The following PPFIBP2 variants were observed in gnomAD, a reference collection of about 807,000 sequenced individuals.
PPFIBP2 encodes liprin-beta-2.
In PPFIBP2, 118 loss-of-function variants were observed where a neutral mutation model predicts 118.3. The ratio of observed to expected loss-of-function variants is 1.00; its 90% confidence interval spans 0.86 to 1.16. The LOEUF is 1.16. Among genes scored for constraint, PPFIBP2 ranks in the 50% most tolerant of loss-of-function variants. PPFIBP2 has a pLI of 0.00. For missense variants in PPFIBP2, 1,195 were observed against 1,073.1 expected, an observed-to-expected ratio of 1.11 and a Z score of -1.59; for synonymous variants, 414 against 397.4, an observed-to-expected ratio of 1.04 and a Z score of -0.50.
chr11:7,664,517 C>G, the PPFIBP2 span, among the ~76,000 whole-genome samples: 2 of 152,322 alleles, frequency 1.3e-5, no homozygotes, highest in East Asian at 3.9e-4. Context: ...AGATGCACCC[C>G]TTCTGTAGCT....
intron 1 of PPFIBP2, among the ~76,000 whole-genome samples, chr11:7,535,057 A>G (rs535713609): frequency 2.0e-5 from 3 of 152,202 alleles, no homozygotes; most frequent in African/African-American, 2.4e-5. Context: ...TGAGCTGCAC[A>G]TGCTCAGTTC....
intron 8 of PPFIBP2, among the ~76,000 whole-genome samples, 200 bp downstream of exon 8, chr11:7,626,091 G>C (rs1030107656): frequency 2.0e-5 from 3 of 152,214 alleles, no homozygotes; most frequent in African/African-American, 7.2e-5. Flanking sequence ...CTATAATGCA[G>C]CGCTCTTGTG....
chr11:7,599,629 CT>C lies in PPFIBP2; in HGVS notation c.486+1975del, dbSNP rs372421700. 8.2e-3 allele frequency among the ~76,000 whole-genome samples: 1,093 copies of C among 133,992 alleles called. 11 individuals carry two copies. The highest frequency in any genetic ancestry group is 0.026 in the African/African-American group (902 of 35,306). The allele number at this position is 133,992 out of a possible 152,430, so 87.9% of individuals were successfully genotyped here. A position where few individuals can be genotyped will look rare whatever the true frequency, so the allele number is the denominator to read the frequency against. On this transcript the variant is annotated intron_variant, in intron 5 of 23. Coordinates refer to ENST00000299492, the MANE Select transcript of PPFIBP2 (RefSeq NM_003621.5). The stretch of plus-strand genomic sequence containing the variant: ...TTTTTTAAAGTCATAAACTCAATTA[CT>C]TTTTTTTTTTTTTTTTTTGAGACGG...
rs1339341429 is a variant in PPFIBP2, at chr11:7,650,837, C to T, written c.2122-3C>T. 1 of 1,613,564 alleles carries T rather than the reference C, an allele frequency of 6.2e-7. No individual in the cohort carries two copies. Among genetic ancestry groups the T allele is most frequent in the Non-Finnish European group, 8.5e-7 (1 of 1,179,578 alleles). On this transcript the variant is annotated splice_polypyrimidine_tract_variant and splice_region_variant and intron_variant, in intron 21 of 23. Coordinates refer to ENST00000299492, the MANE Select transcript of PPFIBP2 (RefSeq NM_003621.5). Reference sequence around the variant, plus strand: ...TTCCTCACTCTCCTTCTCCCTCTGACAGAGTAACCTTTCTCCTTCAGAAGT... The same window carrying T: ...TTCCTCACTCTCCTTCTCCCTCTGATAGAGTAACCTTTCTCCTTCAGAAGT...
chr11:7,582,404 T>G (rs1327046738), intron 3 of PPFIBP2, among the ~76,000 whole-genome samples: 1 of 152,140 alleles, frequency 6.6e-6, no homozygotes, highest in East Asian at 1.9e-4. Flanking sequence ...CTGGTATAAT[T>G]TAGAAGCTAG....
At chr11:7,620,836 GTGGTTGC>G in intron 6 of PPFIBP2, 92 bp from the exon 7 acceptor site, 1 of 799,644 alleles carries the variant, frequency 1.3e-6, no homozygotes, top group South Asian at 1.5e-5. Flanking sequence ...GGAGCTTGAT[GTGGTTGC>G]TGCACCCCAT....
At position 7,628,315 on chromosome 11, in the gene PPFIBP2, T is replaced by A; in HGVS notation, c.857T>A (p.Met286Lys). ...DQEIQRLKMG[M>K]ETLLLANEDK... ...GAAATTCAACGTCTGAAAATGGGGA[T>A]GGAAACTTTGCTGCTTGCCAATGAA... is the stretch of plus-strand genomic sequence containing the variant. The change falls in exon 9 of 24, where the codon ATG becomes AAG. Residue 286 changes from methionine (M) to lysine (K), a missense_variant. Met to Lys is a moderately conservative substitution (Grantham distance 95). Transcript: ENST00000299492. 6.2e-7 allele frequency: 1 copy of A among 1,613,976 alleles called. No homozygotes were observed. Among genetic ancestry groups the A allele is most frequent in the Non-Finnish European group, 8.5e-7 (1 of 1,179,904 alleles).
Position 7,606,193 on chromosome 11 carries a change from CTA to C in PPFIBP2, c.487-4095_487-4094del, listed in dbSNP as rs561217542. Reference sequence around the variant, plus strand: ...GCCCTGGAATAGGGAGCACAGTGTTCTATAAGTTGGGTTGGTGGAAGCTGAGT... The same window carrying C: ...GCCCTGGAATAGGGAGCACAGTGTTCTAAGTTGGGTTGGTGGAAGCTGAGT... On this transcript the variant is annotated intron_variant, in intron 5 of 23. Transcript: ENST00000299492. Among the ~76,000 whole-genome samples the C allele has an allele frequency of 7.8e-4, 118 of 152,190 alleles. 1 individual carries two copies. The highest frequency in any genetic ancestry group is 2.8e-3 in the African/African-American group (115 of 41,484).
Position 7,628,163 on chromosome 11 carries a change from A to G in PPFIBP2, c.827-122A>G. 3.9e-6 allele frequency: 3 copies of G among 759,704 alleles called. No homozygotes were observed. In the South Asian group the frequency reaches 5.9e-5, roughly 15 times the overall value. The allele number at this position is 759,704 out of a possible 1,614,324, so 47.1% of individuals were successfully genotyped here. A position where few individuals can be genotyped will look rare whatever the true frequency, so the allele number is the denominator to read the frequency against. On this transcript the variant is annotated intron_variant, in intron 8 of 23. Transcript: ENST00000299492. ...AGCAGACACCATCCCGGCCTCTTTAAAGAACTAAAGGAGCCATGTTCACAT... is the reference window on the plus strand; with the variant it reads ...AGCAGACACCATCCCGGCCTCTTTAGAGAACTAAAGGAGCCATGTTCACAT...
At chr11:7,565,431 C>A in intron 2 of PPFIBP2, 122 bp from the exon 3 acceptor site, 2 of 1,008,778 alleles carry the variant, frequency 2.0e-6, no homozygotes, top group East Asian at 2.4e-5. Flanking sequence ...CCGCCATGCC[C>A]AGCTCACCCC....
intron 3 of PPFIBP2, among the ~76,000 whole-genome samples, chr11:7,590,694 G>A (rs1027437983): frequency 6.6e-6 from 1 of 152,228 alleles, no homozygotes; most frequent in African/African-American, 2.4e-5. Context: ...GGTGCTTGCT[G>A]TGTATTTACA....
At chr11:7,542,622 A>T (rs1851913463) in intron 1 of PPFIBP2, among the ~76,000 whole-genome samples, 1 of 152,040 alleles carries the variant, frequency 6.6e-6, no homozygotes, top group Admixed American at 6.5e-5. Context: ...ATCTGTTCTT[A>T]TTGAATTAAA....
intron 6 of PPFIBP2, among the ~76,000 whole-genome samples, chr11:7,618,885 G>GTTTT (rs36101082): frequency 1.7e-4 from 21 of 124,532 alleles, no homozygotes; most frequent in Non-Finnish European, 2.1e-4. Context: ...CCATCCAGAA[G>GTTTT]TTTTTTTTTT....
chr11:7,524,939 A>ATC (rs1383365417), intron 1 of PPFIBP2, among the ~76,000 whole-genome samples: 3 of 152,178 alleles, frequency 2.0e-5, no homozygotes, highest in Non-Finnish European at 4.4e-5. Flanking sequence ...CAGCCAAGAC[A>ATC]TCTGGTTCTT....
intron 5 of PPFIBP2, among the ~76,000 whole-genome samples, chr11:7,603,495 C>G (rs1846935616): frequency 6.6e-6 from 1 of 152,170 alleles, no homozygotes; most frequent in Admixed American, 6.5e-5. Context: ...CCTTTCATGC[C>G]TTTCCATGGC....
intron 2 of PPFIBP2, among the ~76,000 whole-genome samples, chr11:7,551,432 C>G (rs1852985762): frequency 6.6e-6 from 1 of 152,172 alleles, no homozygotes; most frequent in Admixed American, 6.5e-5. Context: ...GATATATATT[C>G]AGGTCTATTT....
intron 5 of PPFIBP2, among the ~76,000 whole-genome samples, chr11:7,606,435 G>C (rs1847347327): frequency 6.6e-6 from 1 of 152,216 alleles, no homozygotes; most frequent in Non-Finnish European, 1.5e-5. Context: ...GTTTGTTGAA[G>C]GCTGATTTTG....
At position 7,577,301 on chromosome 11, in the gene PPFIBP2, GTGTGCGTGCATGTA is replaced by G. The variant is rs1310698896; in HGVS notation, c.279+11543_279+11556del. 8 of 235,186 alleles carry G rather than the reference GTGTGCGTGCATGTA, an allele frequency of 3.4e-5. No individual in the cohort carries two copies. The Middle Eastern group carries it at 9.7e-3, about 286-fold the overall frequency. The allele number at this position is 235,186 out of a possible 1,614,324, so 14.6% of individuals were successfully genotyped here. A position where few individuals can be genotyped will look rare whatever the true frequency, so the allele number is the denominator to read the frequency against. On this transcript the variant is annotated intron_variant, in intron 3 of 23. Coordinates refer to ENST00000299492, the MANE Select transcript of PPFIBP2 (RefSeq NM_003621.5). ...GGGCTCTGAATCCCAGTCCTGGTGC[GTGTGCGTGCATGTA>G]TGTGCGTGTGTGTGTGTGTGTGTGT...
chr11:7,585,327 T>C (rs1469921284), intron 3 of PPFIBP2, among the ~76,000 whole-genome samples: 1 of 152,234 alleles, frequency 6.6e-6, no homozygotes, highest in Non-Finnish European at 1.5e-5. Flanking sequence ...AACATGATGC[T>C]AGAGCTGTCA....
Sources: allele counts gnomAD v4.1 joint callset (sites outside exome capture counted in the v4.1 genomes callset), GRCh38; gene constraint gnomAD v4.1.1; transcripts MANE v1.5; gene names NCBI Gene and HGNC (gene_info 2026-07-23, HGNC 2026-07-21).